Variants in FOXN4 observed in about 807,000 individuals in gnomAD.
The protein encoded by FOXN4 is forkhead box N4.
In FOXN4, 12 loss-of-function variants were observed where a neutral mutation model predicts 45.0. The observed-to-expected ratio is 0.27, with a 90% CI of 0.17 to 0.43. FOXN4 has a LOEUF of 0.43. FOXN4 is among the 20% of genes least tolerant of loss of function. The pLI, the probability that FOXN4 is intolerant of heterozygous loss-of-function variation, is 1.00. For missense variants in FOXN4, 560 were observed against 694.9 expected (o/e 0.81, Z 2.18); for synonymous variants, 297 against 295.0 (o/e 1.01, Z -0.07).
intron 2 of FOXN4, among the ~76,000 whole-genome samples, chr12:109,296,587 C>A (rs1057423186): frequency 5.3e-5 from 8 of 152,160 alleles, no homozygotes; most frequent in South Asian, 2.1e-4. Flanking sequence ...TCTTCAGGGT[C>A]CCTAAGGGTC....
At chr12:109,289,314 G>A (rs2047744370) in intron 3 of FOXN4, among the ~76,000 whole-genome samples, 1 of 152,308 alleles carries the variant, frequency 6.6e-6, no homozygotes, top group East Asian at 1.9e-4. Flanking sequence ...CATATTGGCT[G>A]TGGCTGGTTT....
Position 109,304,283 on chromosome 12 carries a change from GAAAGAAAGA to G in FOXN4, c.86+3944_86+3952del, listed in dbSNP as rs1291686118. 2.3e-4 allele frequency among the ~76,000 whole-genome samples: 13 copies of G among 55,850 alleles called. 1 individual carries two copies. In the Middle Eastern group the frequency reaches 0.035, roughly 150 times the overall value. The allele number at this position is 55,850 out of a possible 152,430, so 36.6% of individuals were successfully genotyped here. The stretch of plus-strand genomic sequence containing the variant: ...AGAAAGAAAGAAAGAAAGAAAGAAA[GAAAGAAAGA>G]AAGGAGAAAGAAAGAAGGAAAGAAG... On this transcript the variant is annotated intron_variant, in intron 2 of 9. Transcript: ENST00000299162.
At chr12:109,305,691 C>T (rs1349559756) in intron 2 of FOXN4, among the ~76,000 whole-genome samples, 1 of 152,192 alleles carries the variant, frequency 6.6e-6, no homozygotes, top group Non-Finnish European at 1.5e-5. Flanking sequence ...GTTCACACCA[C>T]TGCACTCCAG....
chr12:109,293,345 C>T (rs1471861774), intron 2 of FOXN4, among the ~76,000 whole-genome samples: 2 of 152,172 alleles, frequency 1.3e-5, no homozygotes, highest in Admixed American at 6.5e-5. Context: ...ACCCCAAGCA[C>T]AGGGACCCAC....
At position 109,290,348 on chromosome 12, in the gene FOXN4, G is replaced by A. The variant is rs561880623; in HGVS notation, c.87-62C>T. 4.7e-5 allele frequency: 69 copies of A among 1,463,454 alleles called. No individual in the cohort carries two copies. The African/African-American group carries it at 8.0e-4, about 17-fold the overall frequency. 90.7% of individuals were successfully genotyped at this position (1,463,454 alleles called of 1,614,324 possible). The stretch of plus-strand genomic sequence containing the variant: ...AGCTTAGGCCAGCTCCTGGGGGTGC[G>A]TCCCGACCTCTGGAAGCACCCGCTT... On this transcript the variant is annotated intron_variant, in intron 2 of 9. Transcript: ENST00000299162. The surrounding 1 kb of genome is among the most constrained non-coding windows in gnomAD (Gnocchi z 5.1).
At chr12:109,300,917 T>C (rs971060136) in intron 2 of FOXN4, among the ~76,000 whole-genome samples, 1 of 151,834 alleles carries the variant, frequency 6.6e-6, no homozygotes, top group African/African-American at 2.4e-5. Context: ...TCTAAAAAAA[T>C]AAAAATAAAA....
chr12:109,285,205 G>C, intron 8 of FOXN4, 99 bp downstream of exon 8: 1 of 1,456,988 alleles, frequency 6.9e-7, no homozygotes, highest in Non-Finnish European at 9.3e-7. Flanking sequence ...ACCAGGGTTG[G>C]CCATGCTCTG....
In FOXN4 at chr12:109,291,112, A is replaced by C. The variant is rs916999696; in HGVS notation, c.87-826T>G. Among the ~76,000 whole-genome samples, 14 of 152,078 alleles carry C rather than the reference A, an allele frequency of 9.2e-5. 1 individual carries two copies. The highest frequency in any genetic ancestry group is 7.8e-4 in the Admixed American group (12 of 15,298). On this transcript the variant is annotated intron_variant, in intron 2 of 9. Coordinates refer to ENST00000299162, the MANE Select transcript of FOXN4 (RefSeq NM_213596.3). This position sits in a 1 kb window ranked among gnomAD's most constrained non-coding sequence, Gnocchi z 6.6. ...GTGGTCCCAAGAGGCTCCAGTTAGGACCCACACCCACCAGCCGCAACAGAT... is the reference window on the plus strand; with the variant it reads ...GTGGTCCCAAGAGGCTCCAGTTAGGCCCCACACCCACCAGCCGCAACAGAT...
At chr12:109,306,590 T>C (rs1170416898) in intron 2 of FOXN4, among the ~76,000 whole-genome samples, 5 of 152,222 alleles carry the variant, frequency 3.3e-5, no homozygotes, top group Non-Finnish European at 4.4e-5. Context: ...GATAATATGA[T>C]ACATATATCA....
In FOXN4 at chr12:109,279,682, C is replaced by T. The variant is rs1405301596; in HGVS notation, c.1543G>A (p.Ala515Thr). Residue 515 changes from alanine (A) to threonine (T), a missense_variant, in exon 10 of 10, where the codon GCC (alanine) becomes ACC (threonine). This residue lies in a region of FOXN4 where 315 missense variants were observed against 350.5 expected (regional missense o/e 0.90). Coordinates refer to ENST00000299162, the MANE Select transcript of FOXN4 (RefSeq NM_213596.3). ...GTGAGGCTGACAGCTCAAAGCAGGG[C>T]TATAGGCTTGTTCCCCTGTGCACCC... ...YLGAQGNKPI[A>T]LL 6 of 1,573,756 alleles carry T rather than the reference C, an allele frequency of 3.8e-6. No homozygotes were observed. Among genetic ancestry groups the T allele is most frequent in the Middle Eastern group, 3.3e-4 (2 of 6,026 alleles).
At chr12:109,289,780 C>T (rs2047748566) in intron 3 of FOXN4, among the ~76,000 whole-genome samples, 1 of 152,176 alleles carries the variant, frequency 6.6e-6, no homozygotes, top group Non-Finnish European at 1.5e-5. Context: ...GTTTTTACAA[C>T]CCTTGGAAAA....
chr12:109,288,837 T>C lies in FOXN4; in HGVS notation c.233-657A>G, dbSNP rs1354110692. ...GATGGTCTTGCCCTAGGGCCACCTC[T>C]TCCAGGAAGCCCTCTGGGTCCTTCA... On this transcript the variant is annotated intron_variant, in intron 3 of 9. Coordinates refer to ENST00000299162, the MANE Select transcript of FOXN4 (RefSeq NM_213596.3). This position sits in a 1 kb window ranked among gnomAD's most constrained non-coding sequence, Gnocchi z 4.3. 2.0e-5 allele frequency among the ~76,000 whole-genome samples: 3 copies of C among 152,220 alleles called. No homozygotes were observed. Among genetic ancestry groups the C allele is most frequent in the Non-Finnish European group, 4.4e-5 (3 of 68,024 alleles).
chr12:109,279,532 T>C lies in FOXN4; in HGVS notation c.*139A>G. The C allele has an allele frequency of 2.3e-6, 3 of 1,330,032 alleles. No individual in the cohort carries two copies. The highest frequency in any genetic ancestry group is 2.0e-6 in the Non-Finnish European group (2 of 984,440). The allele number at this position is 1,330,032 out of a possible 1,614,324, so 82.4% of individuals were successfully genotyped here. A position where few individuals can be genotyped will look rare whatever the true frequency, so the allele number is the denominator to read the frequency against. On this transcript the variant is annotated 3_prime_UTR_variant, in exon 10 of 10. Coordinates refer to ENST00000299162, the MANE Select transcript of FOXN4 (RefSeq NM_213596.3). ...GGGCTGCTGAGGGGAACCGCTTCCC[T>C]GTCCAGCCGGCAACTTCGCCACAGG...
rs946093038 is a variant in FOXN4 at position 109,279,549 on chromosome 12, C to T, written c.*122G>A. The stretch of plus-strand genomic sequence containing the variant: ...CGCTTCCCTGTCCAGCCGGCAACTT[C>T]GCCACAGGTCCAGGAGAGGCTTCGG... On this transcript the variant is annotated 3_prime_UTR_variant, in exon 10 of 10. Coordinates refer to ENST00000299162, the MANE Select transcript of FOXN4 (RefSeq NM_213596.3). 22 of 1,435,108 alleles carry T rather than the reference C, an allele frequency of 1.5e-5. No homozygotes were observed. The highest frequency in any genetic ancestry group is 2.5e-4 in the Middle Eastern group (1 of 4,052). 88.9% of individuals were successfully genotyped at this position (1,435,108 alleles called of 1,614,324 possible).
At position 109,278,733 on chromosome 12, in the gene FOXN4, A is replaced by AG. The variant is rs1382367537; in HGVS notation, c.*937dup. The AG allele has an allele frequency of 6.6e-6, 1 of 151,852 alleles. No homozygotes were observed. Among genetic ancestry groups the AG allele is most frequent in the Non-Finnish European group, 1.5e-5 (1 of 68,012 alleles). The allele number at this position is 151,852 out of a possible 1,614,324, so 9.4% of individuals were successfully genotyped here. Reference sequence around the variant, plus strand: ...CCCAAACAATGGCACCGCCCCTCTTAGGTACATGCAAGAAGAGATGTGAAT... The same window carrying AG: ...CCCAAACAATGGCACCGCCCCTCTTAGGGTACATGCAAGAAGAGATGTGAAT... On this transcript the variant is annotated 3_prime_UTR_variant, in exon 10 of 10. Coordinates refer to ENST00000299162, the MANE Select transcript of FOXN4 (RefSeq NM_213596.3).
Position 109,291,646 on chromosome 12 carries a change from G to A in FOXN4, c.87-1360C>T, listed in dbSNP as rs530436295. On this transcript the variant is annotated intron_variant, in intron 2 of 9. Coordinates refer to ENST00000299162, the MANE Select transcript of FOXN4 (RefSeq NM_213596.3). This position sits in a 1 kb window ranked among gnomAD's most constrained non-coding sequence, Gnocchi z 6.6. The stretch of plus-strand genomic sequence containing the variant: ...CTTGTGTTTTAGGGCCACAATTAGC[G>A]TTGCCATGGCCACACTGCTCAGTTG... Among the ~76,000 whole-genome samples, 6 of 151,926 alleles carry A rather than the reference G, an allele frequency of 3.9e-5. No individual in the cohort carries two copies. The highest frequency in any genetic ancestry group is 7.4e-5 in the Non-Finnish European group (5 of 67,988).
In FOXN4 at chr12:109,288,066, T is replaced by C. The variant is rs969620813; in HGVS notation, c.347A>G (p.His116Arg). ...GMPGLGPITG[H>R]RDSMSQFPVG... ...TGCAGTGCCACTTACGCTGTCTCTG[T>C]GGCCAGTTATGGGGCCCAGACCTGG... Residue 116 changes from histidine (H) to arginine (R), a missense_variant, in exon 4 of 10, where the codon CAC becomes CGC. His to Arg is a conservative substitution (Grantham distance 29). This residue lies in a region of FOXN4 where 142 missense variants were observed against 185.7 expected (regional missense o/e 0.76). Transcript: ENST00000299162. The surrounding 1 kb of genome is among the most constrained non-coding windows in gnomAD (Gnocchi z 4.3). The C allele has an allele frequency of 7.1e-6, 11 of 1,549,736 alleles. No homozygotes were observed. The highest frequency in any genetic ancestry group is 9.6e-6 in the Non-Finnish European group (11 of 1,146,406).
At position 109,287,587 on chromosome 12, in the gene FOXN4, C is replaced by A; in HGVS notation, c.469-63G>T. 4.1e-6 allele frequency: 6 copies of A among 1,474,036 alleles called. No homozygotes were observed. In the South Asian group the frequency reaches 7.1e-5, roughly 17 times the overall value. 91.3% of individuals were successfully genotyped at this position (1,474,036 alleles called of 1,614,324 possible). ...AAGAGAGAAGGTGAGAAATAACATA[C>A]GTCACTCACAGTAACACTGTCCCCA... On this transcript the variant is annotated intron_variant, in intron 5 of 9. Transcript: ENST00000299162. This position sits in a 1 kb window ranked among gnomAD's most constrained non-coding sequence, Gnocchi z 4.1.
chr12:109,308,149 T>A lies in FOXN4; in HGVS notation c.86+87A>T, dbSNP rs2047937880. The A allele has an allele frequency of 2.8e-6, 3 of 1,078,300 alleles. 1 individual carries two copies. In the Middle Eastern group the frequency reaches 6.6e-4, roughly 238 times the overall value. The allele number at this position is 1,078,300 out of a possible 1,614,324, so 66.8% of individuals were successfully genotyped here. On this transcript the variant is annotated intron_variant, in intron 2 of 9. Transcript: ENST00000299162. The stretch of plus-strand genomic sequence containing the variant: ...TCACAGAATTGAACATAACAATAGT[T>A]CTTGGGCAGTTTCAGAAACCATAAA...
Sources: gnomAD v4.1 joint callset for allele counts (sites outside exome capture counted in the v4.1 genomes callset) on GRCh38, gnomAD v4.1.1 for gene constraint, gnomAD v4.1.1 regional missense constraint, Gnocchi (gnomAD v3.1) non-coding constraint, MANE v1.5 for transcripts, NCBI Gene and HGNC (gene_info 2026-07-23, HGNC 2026-07-21) for gene names.